Variants in SLCO2B1 observed in about 807,000 individuals in gnomAD.
The protein encoded by SLCO2B1 is solute carrier organic anion transporter family member 2B1.
SLCO2B1 carries 41 observed loss-of-function variants against 67.3 expected under a neutral mutation model. The observed-to-expected ratio is 0.61, with a 90% CI of 0.47 to 0.79. The LOEUF (loss-of-function observed/expected upper bound fraction) is 0.79, where lower values mean the gene tolerates loss of function less well. Among genes scored for constraint, SLCO2B1 ranks in the 30% least tolerant of loss-of-function variants. The pLI, the probability that SLCO2B1 is intolerant of heterozygous loss-of-function variation, is 0.00. For missense variants in SLCO2B1, 837 were observed against 920.1 expected (o/e 0.91, Z 1.17); for synonymous variants, 379 against 381.4 (o/e 0.99, Z 0.07).
At chr11:75,203,203 A>G in intron 12 of SLCO2B1, 104 bp from the exon 13 acceptor site, 1 of 1,492,152 alleles carries the variant, frequency 6.7e-7, no homozygotes, top group Admixed American at 2.0e-5. Flanking sequence ...CCAGACAGCC[A>G]AGAGGCCCCA....
At position 75,204,604 on chromosome 11, in the gene SLCO2B1, C is replaced by CA. The variant is rs751603749; in HGVS notation, c.*26dup. ...GAGCTGTCTTGGGGCCCCACCTGGC[C>CA]AAGAGTAGCAGCCACAGCAGTACCT... On this transcript the variant is annotated 3_prime_UTR_variant, in exon 14 of 14. Transcript: ENST00000289575. 5 of 1,582,882 alleles carry CA rather than the reference C, an allele frequency of 3.2e-6. No homozygotes were observed. The African/African-American group carries it at 6.8e-5, about 21-fold the overall frequency.
chr11:75,173,367 G>A (rs1949987771), intron 7 of SLCO2B1, among the ~76,000 whole-genome samples: 2 of 152,218 alleles, frequency 1.3e-5, no homozygotes, highest in Admixed American at 1.3e-4. Flanking sequence ...CTGCATGAAG[G>A]ATTTGGCTGT....
At chr11:75,202,791 C>T (rs1320633572) in intron 11 of SLCO2B1, 110 bp from the exon 12 acceptor site, 24 of 930,048 alleles carry the variant, frequency 2.6e-5, no homozygotes, top group Non-Finnish European at 2.7e-5. Context: ...GAGAGGCTGG[C>T]TCTGGGTGGT....
rs551738067 is a variant in SLCO2B1 at position 75,206,529 on chromosome 11, G to A, written c.*1949G>A. 6.6e-6 allele frequency: 1 copy of A among 152,290 alleles called. No individual in the cohort carries two copies. Among genetic ancestry groups the A allele is most frequent in the African/African-American group, 2.4e-5 (1 of 41,548 alleles). The allele number at this position is 152,290 out of a possible 1,614,324, so 9.4% of individuals were successfully genotyped here. A position where few individuals can be genotyped will look rare whatever the true frequency, so the allele number is the denominator to read the frequency against. On this transcript the variant is annotated 3_prime_UTR_variant, in exon 14 of 14. Transcript: ENST00000289575. The stretch of plus-strand genomic sequence containing the variant: ...TCACATTTTATAGAAGAGGAAACTG[G>A]CTCAGAAAGCACAAGTGACTTCCCC...
chr11:75,164,641 A>C (rs545871288), intron 3 of SLCO2B1, among the ~76,000 whole-genome samples: 38 of 152,104 alleles, frequency 2.5e-4, no homozygotes, highest in African/African-American at 8.2e-4. Flanking sequence ...GCTGTGCCCC[A>C]GTCCTTCAGT....
Position 75,193,381 on chromosome 11 carries a change from C to A in SLCO2B1, c.1239C>A (p.Ile413=), listed in dbSNP as rs145830524. 1.9e-6 allele frequency: 3 copies of A among 1,614,204 alleles called. No individual in the cohort carries two copies. The highest frequency in any genetic ancestry group is 2.5e-6 in the Non-Finnish European group (3 of 1,180,040). ...SITASYANLL[I]GCLSFPSVIV... ...CAGCCTCCTACGCCAACCTGCTCATCGGCTGCCTCTCCTTCCCTTCGGTCA... is the reference window on the plus strand; with the variant it reads ...CAGCCTCCTACGCCAACCTGCTCATAGGCTGCCTCTCCTTCCCTTCGGTCA... Residue 413 remains isoleucine, a synonymous_variant, in exon 9 of 14, where the codon ATC becomes ATA. Coordinates refer to ENST00000289575, the MANE Select transcript of SLCO2B1 (RefSeq NM_007256.5). This position sits in a 1 kb window ranked among gnomAD's most constrained non-coding sequence, Gnocchi z 4.2.
chr11:75,195,352 C>T (rs1349245878), intron 9 of SLCO2B1, among the ~76,000 whole-genome samples: 1 of 152,192 alleles, frequency 6.6e-6, no homozygotes, highest in African/African-American at 2.4e-5. Flanking sequence ...ACAGTGCCAG[C>T]CTTCCCACTC....
chr11:75,166,764 G>A (rs1393207002), intron 4 of SLCO2B1, among the ~76,000 whole-genome samples: 1 of 152,194 alleles, frequency 6.6e-6, no homozygotes, highest in Admixed American at 6.5e-5. Context: ...CTCCCAGCCT[G>A]GGAGAGGAGA....
Position 75,200,377 on chromosome 11 carries a change from CT to C in SLCO2B1, c.1754del (p.Leu585ProfsTer3), listed in dbSNP as rs753762460. On this transcript the variant is annotated frameshift_variant, in exon 11 of 14. Transcript: ENST00000289575. LOFTEE classifies it high-confidence loss of function. ...TCTCACCCACACACCCTCCTTCATG[CT>C]CATCCTAAGGTGAAGGTGGGGGTGG... Reference protein sequence around the residue: ...ACLTHTPSFMLILRGVKKEDK... With the variant: ...ACLTHTPSFMXILRGVKKEDK... 13 of 1,605,094 alleles carry C rather than the reference CT, an allele frequency of 8.1e-6. No individual in the cohort carries two copies. The highest frequency in any genetic ancestry group is 1.1e-5 in the Non-Finnish European group (13 of 1,174,914).
rs41298117 is a variant in SLCO2B1, at chr11:75,205,301, C to G, written c.*721C>G. 0.09 allele frequency: 13,749 copies of G among 152,340 alleles called. 1,249 individuals are homozygous for G. Among genetic ancestry groups the G allele is most frequent in the African/African-American group, 0.24 (9,847 of 41,554 alleles). The allele number at this position is 152,340 out of a possible 1,614,324, so 9.4% of individuals were successfully genotyped here. ...CCATCTCAGGAAATTCTAGCCCTTGCCCTCAGGGAGCCACGGTTGAGGGTG... is the reference window on the plus strand; with the variant it reads ...CCATCTCAGGAAATTCTAGCCCTTGGCCTCAGGGAGCCACGGTTGAGGGTG... On this transcript the variant is annotated 3_prime_UTR_variant, in exon 14 of 14. Transcript: ENST00000289575.
intron 6 of SLCO2B1, 140 bp downstream of exon 6, chr11:75,169,904 C>G: frequency 1.6e-6 from 1 of 640,292 alleles, no homozygotes. Flanking sequence ...CTCTGAACCT[C>G]AGCTTTCTCA....
intron 3 of SLCO2B1, 119 bp from the exon 4 acceptor site, chr11:75,165,668 T>TC (rs1949880092): frequency 2.5e-6 from 3 of 1,196,272 alleles, no homozygotes; most frequent in Non-Finnish European, 3.6e-6. Context: ...ACCCAGATGA[T>TC]TTTTATTCAG....
rs747323622 is a variant in SLCO2B1, at chr11:75,164,076, G to C, written c.261G>C (p.Ser87=). Residue 87 remains serine, a synonymous_variant, in exon 3 of 14, where the codon TCG becomes TCC. Coordinates refer to ENST00000289575, the MANE Select transcript of SLCO2B1 (RefSeq NM_007256.5). ...GCTTCGGCCTCTCCAGCCAGACGTC[G>C]GGGCTGCTGGCCTCCTTCAACGAGG... ...EKRFGLSSQT[S]GLLASFNEVG... 1.2e-6 allele frequency: 2 copies of C among 1,608,242 alleles called. No individual in the cohort carries two copies. Among genetic ancestry groups the C allele is most frequent in the Non-Finnish European group, 1.7e-6 (2 of 1,177,760 alleles).
intron 1 of SLCO2B1, among the ~76,000 whole-genome samples, chr11:75,159,143 T>G (rs1323227256): frequency 6.6e-6 from 1 of 152,224 alleles, no homozygotes; most frequent in Admixed American, 6.5e-5. Context: ...ACAGCTCTCC[T>G]GAAAGACAGT....
chr11:75,199,901 T>G, intron 10 of SLCO2B1: 4 of 319,570 alleles, frequency 1.3e-5, no homozygotes, highest in Non-Finnish European at 1.7e-5. Flanking sequence ...AGCCTGGGGA[T>G]GTTTTCTTAC....
chr11:75,197,463 C>T (rs1945116915), intron 10 of SLCO2B1, among the ~76,000 whole-genome samples: 1 of 152,224 alleles, frequency 6.6e-6, no homozygotes, highest in African/African-American at 2.4e-5. Context: ...CATGCGCAAG[C>T]ATGCACACAC....
chr11:75,194,979 C>T (rs139546893), intron 9 of SLCO2B1, among the ~76,000 whole-genome samples: 65 of 152,276 alleles, frequency 4.3e-4, no homozygotes, highest in African/African-American at 1.4e-3. Flanking sequence ...TCTGCACAAC[C>T]GCAGGTACTA....
intron 10 of SLCO2B1, 91 bp downstream of exon 10, chr11:75,196,770 T>C (rs1945107791): frequency 1.7e-6 from 2 of 1,163,242 alleles, no homozygotes; most frequent in South Asian, 1.5e-5. Context: ...TTCTGCATGC[T>C]CTCACTCTGT....
chr11:75,199,808 T>C (rs1481724418), intron 10 of SLCO2B1: 1 of 165,968 alleles, frequency 6.0e-6, no homozygotes, highest in Non-Finnish European at 1.3e-5. Flanking sequence ...GCAGAGTCCT[T>C]GGCTGGAGGT....
Sources: gnomAD v4.1 joint callset for allele counts (sites outside exome capture counted in the v4.1 genomes callset) on GRCh38, gnomAD v4.1.1 for gene constraint, Gnocchi (gnomAD v3.1) non-coding constraint, MANE v1.5 for transcripts, NCBI Gene and HGNC (gene_info 2026-07-23, HGNC 2026-07-21) for gene names.